The following COL15A1 variants were observed in gnomAD, a reference collection of about 807,000 sequenced individuals.
COL15A1 encodes the protein collagen type XV alpha 1 chain.
A neutral mutation model predicts 165.9 loss-of-function variants in COL15A1; 111 were observed. The ratio of observed to expected loss-of-function variants is 0.67; its 90% CI spans 0.57 to 0.78. The LOEUF is 0.78. Among genes scored for constraint, COL15A1 ranks in the 30% least tolerant of loss-of-function variants. The probability of loss-of-function intolerance (pLI) is 0.00; values close to 1 mark genes in which losing one functional copy is unlikely to be tolerated. For missense variants in COL15A1, 1,745 were observed against 1,789.7 expected, an observed-to-expected ratio of 0.98 and a Z score of 0.45; for synonymous variants, 659 against 674.8, an observed-to-expected ratio of 0.98 and a Z score of 0.36.
intron 38 of COL15A1, 141 bp from the exon 39 acceptor site, chr9:99,062,909 C>T (rs1825838592): frequency 1.0e-6 from 1 of 963,252 alleles, no homozygotes; most frequent in South Asian, 1.9e-5. Flanking sequence ...AAACTCTTTA[C>T]AGTTAAGAGT....
At chr9:98,987,210 C>A in intron 3 of COL15A1, 84 bp from the exon 4 acceptor site, 1 of 1,343,196 alleles carries the variant, frequency 7.4e-7, no homozygotes, top group Non-Finnish European at 1.1e-6. Context: ...TGTTCGTCTC[C>A]ATTGCCAAAA....
At chr9:99,062,429 T>C (rs1426908882) in intron 38 of COL15A1, 125 bp downstream of exon 38, 2 of 743,842 alleles carry the variant, frequency 2.7e-6, no homozygotes, top group Non-Finnish European at 4.7e-6. Context: ...TAGTATCTGG[T>C]GAAATCCTAG....
At position 99,052,432 on chromosome 9, in the gene COL15A1, C is replaced by T. The variant is rs61736750; in HGVS notation, c.2949C>T (p.His983=). Residue 983 remains histidine, a splice_region_variant and synonymous_variant, in exon 31 of 42, where the codon CAC becomes CAT. Coordinates refer to ENST00000375001, the MANE Select transcript of COL15A1 (RefSeq NM_001855.5). ...GGAGTCCAGAGCTCATCACTTTTCA[C>T]GGTATACACTCCCTTCTTCATCATT... ...HPGSPELITF[H]GVKGEKGSWG... is the part of the protein sequence containing the mutation. 3,843 of 1,601,842 alleles carry T rather than the reference C, an allele frequency of 2.4e-3. 13 individuals are homozygous for T. The highest frequency in any genetic ancestry group is 2.7e-3 in the Non-Finnish European group (3,186 of 1,168,964).
chr9:99,069,946 GAAATCTA>G lies in COL15A1; in HGVS notation c.*65_*71del, dbSNP rs1179260087. On this transcript the variant is annotated 3_prime_UTR_variant, in exon 42 of 42. Coordinates refer to ENST00000375001, the MANE Select transcript of COL15A1 (RefSeq NM_001855.5). ...TTTTCTTATGTGAAGAGTTGACACT[GAAATCTA>G]AAATGTTTAATTGTTGTAAATATTA... 7.6e-7 allele frequency: 1 copy of G among 1,323,498 alleles called. No homozygotes were observed. Among genetic ancestry groups the G allele is most frequent in the Non-Finnish European group, 1.1e-6 (1 of 951,886 alleles). The allele number at this position is 1,323,498 out of a possible 1,614,324, so 82.0% of individuals were successfully genotyped here.
At chr9:99,054,137 G>A (rs567531597) in intron 31 of COL15A1, among the ~76,000 whole-genome samples, 33 of 152,272 alleles carry the variant, frequency 2.2e-4, no homozygotes, top group Middle Eastern at 3.4e-3. Context: ...TGTCCTGTGC[G>A]GGCACTCTTG....
At chr9:99,028,707 T>C (rs997505332) in intron 16 of COL15A1, among the ~76,000 whole-genome samples, 3 of 150,870 alleles carry the variant, frequency 2.0e-5, no homozygotes, top group Non-Finnish European at 4.4e-5. Context: ...TGGGAGGGAG[T>C]GAGGGATAAA....
At chr9:99,041,102 C>G (rs1015342442) in intron 23 of COL15A1, 1 of 155,632 alleles carries the variant, frequency 6.4e-6, no homozygotes, top group Non-Finnish European at 1.4e-5. Flanking sequence ...AGGAGAGCCT[C>G]CAGGACCTCC....
At chr9:98,985,224 G>A (rs1838287815) in intron 2 of COL15A1, among the ~76,000 whole-genome samples, 1 of 152,116 alleles carries the variant, frequency 6.6e-6, no homozygotes, top group Non-Finnish European at 1.5e-5. Flanking sequence ...AATCAATTTA[G>A]TAATTAATTA....
rs1372574189 is a variant in COL15A1 at position 98,958,323 on chromosome 9, A to AT, written c.100+14075dup. 3.9e-5 allele frequency among the ~76,000 whole-genome samples: 6 copies of AT among 152,336 alleles called. No homozygotes were observed. In the East Asian group the frequency reaches 1.2e-3, roughly 29 times the overall value. ...CACGTTCTGGCAGTTGGGGGCAGTG[A>AT]TTCGGCTCAGCTCTGCTCAGCCCTG... On this transcript the variant is annotated intron_variant, in intron 2 of 41. Transcript: ENST00000375001.
At position 99,054,454 on chromosome 9, in the gene COL15A1, G is replaced by A; in HGVS notation, c.2951-122G>A. ...GATTTTACACTTGCTGATCTCTCAG[G>A]AGGGCTTTGTTTGAGTGGACTTTGC... On this transcript the variant is annotated intron_variant, in intron 31 of 41. Transcript: ENST00000375001. 3.0e-6 allele frequency: 3 copies of A among 1,011,266 alleles called. No homozygotes were observed. The South Asian group carries it at 5.4e-5, about 18-fold the overall frequency. The allele number at this position is 1,011,266 out of a possible 1,614,324, so 62.6% of individuals were successfully genotyped here.
chr9:98,985,966 G>T lies in COL15A1; in HGVS notation c.502G>T (p.Val168Phe). Residue 168 changes from valine to phenylalanine, a missense_variant, in exon 3 of 42, where the codon GTC (valine) becomes TTC (phenylalanine). Coordinates refer to ENST00000375001, the MANE Select transcript of COL15A1 (RefSeq NM_001855.5). The stretch of plus-strand genomic sequence containing the variant: ...CAGGTGGAACCGCTTCGCCATGATT[G>T]TCCAGGGTGAGGAAGTGACCCTCCT... ...THRWNRFAMI[V>F]QGEEVTLLVN... 6.2e-7 allele frequency: 1 copy of T among 1,614,114 alleles called. No individual in the cohort carries two copies.
chr9:99,024,912 G>C lies in COL15A1; in HGVS notation c.1893G>C (p.Gly631=). 6.2e-7 allele frequency: 1 copy of C among 1,613,976 alleles called. No homozygotes were observed. Among genetic ancestry groups the C allele is most frequent in the South Asian group, 1.1e-5 (1 of 91,068 alleles). ...CCCCAGGGCCACCTGGCTTACCTGG[G>C]ATTCCAGGAAAACCAGGAACTGATG... ...PGPPGPPGLP[G]IPGKPGTDVF... The change falls in exon 15 of 42, where the codon GGG becomes GGC. Residue 631 remains glycine (G), a synonymous_variant. Transcript: ENST00000375001.
chr9:98,997,021 C>T lies in COL15A1; in HGVS notation c.892C>T (p.Pro298Ser). ...CATGGAACTTTCTGGTGAACCTGTA[C>T]CCGAGGGGACCCTGGAAACCACCAA... Reference protein sequence around the residue: ...EDMELSGEPVPEGTLETTNMS... With the variant: ...EDMELSGEPVSEGTLETTNMS... The change falls in exon 6 of 42, where the codon CCC (proline) becomes TCC (serine). Residue 298 changes from proline (P) to serine (S), a missense_variant. Transcript: ENST00000375001. 3 of 1,614,178 alleles carry T rather than the reference C, an allele frequency of 1.9e-6. No homozygotes were observed. The highest frequency in any genetic ancestry group is 2.5e-6 in the Non-Finnish European group (3 of 1,180,034).
At chr9:99,030,519 G>A (rs1839200258) in intron 16 of COL15A1, among the ~76,000 whole-genome samples, 1 of 152,128 alleles carries the variant, frequency 6.6e-6, no homozygotes, top group Admixed American at 6.6e-5. Flanking sequence ...CATCTTATCT[G>A]TGAGTCAATG....
At chr9:99,016,750 C>T (rs1278975974) in intron 11 of COL15A1, among the ~76,000 whole-genome samples, 1 of 152,228 alleles carries the variant, frequency 6.6e-6, no homozygotes, top group East Asian at 1.9e-4. Flanking sequence ...AGGGACTGCT[C>T]TTCCAATGTG....
In COL15A1 at chr9:99,015,588, C is replaced by T. The variant is rs772607127; in HGVS notation, c.1503+22C>T. The T allele has an allele frequency of 8.1e-6, 13 of 1,610,370 alleles. No homozygotes were observed. In the South Asian group the frequency reaches 1.3e-4, roughly 16 times the overall value. On this transcript the variant is annotated intron_variant, in intron 10 of 41. Transcript: ENST00000375001. Reference sequence around the variant, plus strand: ...TTCTGTAAGTGTCATCTTGTGTCCTCTCTGGCTCACAGGGGAGAGACAGGT... The same window carrying T: ...TTCTGTAAGTGTCATCTTGTGTCCTTTCTGGCTCACAGGGGAGAGACAGGT...
chr9:99,023,870 A>C (rs1471936732), intron 14 of COL15A1, among the ~76,000 whole-genome samples: 1 of 152,056 alleles, frequency 6.6e-6, no homozygotes, highest in Non-Finnish European at 1.5e-5. Flanking sequence ...AGCTTCCAGA[A>C]CCTTCCTGAA....
At chr9:99,056,976 T>C (rs926629862) in intron 35 of COL15A1, among the ~76,000 whole-genome samples, 1 of 152,256 alleles carries the variant, frequency 6.6e-6, no homozygotes, top group Non-Finnish European at 1.5e-5. Flanking sequence ...TTGTTTCTAC[T>C]TTTTGGCTAT....
chr9:99,013,573 G>C (rs577051516), intron 9 of COL15A1, among the ~76,000 whole-genome samples: 1 of 147,390 alleles, frequency 6.8e-6, no homozygotes, highest in Non-Finnish European at 1.5e-5. Flanking sequence ...AAACAGCTAA[G>C]ACCACTTCCT....
Sources: gnomAD v4.1 joint callset for allele counts (sites outside exome capture counted in the v4.1 genomes callset) on GRCh38, gnomAD v4.1.1 for gene constraint, MANE v1.5 for transcripts, NCBI Gene and HGNC (gene_info 2026-07-23, HGNC 2026-07-21) for gene names.